The following NFATC2IP variants were observed in gnomAD, a reference collection of about 807,000 sequenced individuals.
The protein encoded by NFATC2IP is NFATC2-interacting protein.
NFATC2IP carries 25 observed loss-of-function variants against 40.2 expected under a neutral mutation model. The observed-to-expected ratio is 0.62, with a 90% CI of 0.45 to 0.87. The LOEUF (loss-of-function observed/expected upper bound fraction) is 0.87. Among genes scored for constraint, NFATC2IP ranks in the 40% least tolerant of loss-of-function variants. NFATC2IP has a pLI of 0.00. For missense variants in NFATC2IP, 553 were observed against 555.6 expected, an observed-to-expected ratio of 1.00 and a Z score of 0.05; for synonymous variants, 241 against 236.3, an observed-to-expected ratio of 1.02 and a Z score of -0.18.
intron 1 of NFATC2IP, 40 bp from the exon 2 acceptor site, chr16:28,952,092 G>A (rs1461222873): frequency 1.2e-6 from 2 of 1,610,884 alleles, no homozygotes; most frequent in Non-Finnish European, 8.5e-7. Flanking sequence ...GGTAGGGGAA[G>A]GACTTGGGCC....
At chr16:28,952,337 C>G in intron 2 of NFATC2IP, 133 bp downstream of exon 2, 5 of 1,365,338 alleles carry the variant, frequency 3.7e-6, no homozygotes, top group Non-Finnish European at 4.9e-6. Context: ...CTCCTGCATC[C>G]CAGCCACAGG....
chr16:28,955,049 C>T (rs575597462), intron 3 of NFATC2IP, among the ~76,000 whole-genome samples: 40 of 152,160 alleles, frequency 2.6e-4, no homozygotes, highest in Middle Eastern at 3.4e-3. Flanking sequence ...AAAAAATTAG[C>T]CTGGCATGGT....
intron 7 of NFATC2IP, among the ~76,000 whole-genome samples, chr16:28,959,490 C>A (rs753464770): frequency 9.2e-5 from 14 of 151,934 alleles, no homozygotes; most frequent in Admixed American, 4.6e-4. Flanking sequence ...CTGATGTGGG[C>A]CACAAAGCAC....
In NFATC2IP at chr16:28,963,705, G is replaced by A; in HGVS notation, c.1102G>A (p.Asp368Asn). The A allele has an allele frequency of 6.2e-7, 1 of 1,613,822 alleles. No individual in the cohort carries two copies. Among genetic ancestry groups the A allele is most frequent in the Non-Finnish European group, 8.5e-7 (1 of 1,179,830 alleles). ...TCCATTTTCTTTTGTCTCCATCCAG[G>A]ATTCCCCTCTAAAGACCCTCATGTC... ...HQTLEVSLSRDSPLKTLMSHY... is the reference protein window; with the variant it reads ...HQTLEVSLSRNSPLKTLMSHY... The change falls in exon 8 of 8, where the codon GAT becomes AAT. Residue 368 changes from aspartate (D) to asparagine (N), a missense_variant and splice_region_variant. Coordinates refer to ENST00000320805, the MANE Select transcript of NFATC2IP (RefSeq NM_032815.4).
At position 28,951,308 on chromosome 16, in the gene NFATC2IP, CG is replaced by C; in HGVS notation, c.298del (p.Ala100GlnfsTer45). On this transcript the variant is annotated frameshift_variant, in exon 1 of 8. Coordinates refer to ENST00000320805, the MANE Select transcript of NFATC2IP (RefSeq NM_032815.4). Reference protein sequence around the residue: ...SDSEGEDRRPAGPPREPVRRR... With the variant: ...SDSEGEDRRPXGPPREPVRRR... ...ACAGCGAAGGGGAGGACAGGCGGCCCGCAGGACCCCCGCGGGAGCCGGTCAG... is the reference window on the plus strand; with the variant it reads ...ACAGCGAAGGGGAGGACAGGCGGCCCCAGGACCCCCGCGGGAGCCGGTCAG... 7.1e-7 allele frequency: 1 copy of C among 1,409,784 alleles called. No homozygotes were observed. Among genetic ancestry groups the C allele is most frequent in the Non-Finnish European group, 9.3e-7 (1 of 1,078,676 alleles). The allele number at this position is 1,409,784 out of a possible 1,614,324, so 87.3% of individuals were successfully genotyped here. A position where few individuals can be genotyped will look rare whatever the true frequency, so the allele number is the denominator to read the frequency against.
At chr16:28,956,366 A>C in intron 5 of NFATC2IP, 29 bp downstream of exon 5, 1 of 1,580,642 alleles carries the variant, frequency 6.3e-7, no homozygotes, top group Non-Finnish European at 8.7e-7. Flanking sequence ...TGGGAGAAGG[A>C]CCCAGGAGCT....
At chr16:28,959,571 A>ATTTT (rs61432973) in intron 7 of NFATC2IP, among the ~76,000 whole-genome samples, 1 of 114,622 alleles carries the variant, frequency 8.7e-6, no homozygotes. Context: ...TGGTGCAGTC[A>ATTTT]TTTTTTTTTT....
Position 28,963,910 on chromosome 16 carries a change from A to G in NFATC2IP, c.*47A>G. The G allele has an allele frequency of 1.3e-6, 2 of 1,592,408 alleles. No homozygotes were observed. The highest frequency in any genetic ancestry group is 1.7e-6 in the Non-Finnish European group (2 of 1,163,296). On this transcript the variant is annotated 3_prime_UTR_variant, in exon 8 of 8. Coordinates refer to ENST00000320805, the MANE Select transcript of NFATC2IP (RefSeq NM_032815.4). The stretch of plus-strand genomic sequence containing the variant: ...GCCCAGCCTGGACTTGGGGAGAATG[A>G]CTTTCCCTTTTTTGCCCCATAAGGG...
rs550967192 is a variant in NFATC2IP at position 28,952,011 on chromosome 16, A to G, written c.388-121A>G. 24 of 1,337,342 alleles carry G rather than the reference A, an allele frequency of 1.8e-5. No individual in the cohort carries two copies. The Admixed American group carries it at 3.1e-4, about 18-fold the overall frequency. 82.8% of individuals were successfully genotyped at this position (1,337,342 alleles called of 1,614,324 possible). ...CTTCTAGGTTGCCAGGAGAGGGCCA[A>G]GGTGTCCACGATCTTAGGGAGGATT... On this transcript the variant is annotated intron_variant, in intron 1 of 7. Coordinates refer to ENST00000320805, the MANE Select transcript of NFATC2IP (RefSeq NM_032815.4).
chr16:28,953,147 T>A (rs1010728332), intron 2 of NFATC2IP, among the ~76,000 whole-genome samples: 6 of 152,116 alleles, frequency 3.9e-5, no homozygotes, highest in African/African-American at 1.4e-4. Flanking sequence ...CAATCTTAGC[T>A]CACTGCAACC....
Position 28,956,272 on chromosome 16 carries a change from ACCCCCCGACT to A in NFATC2IP, c.783_792del (p.Pro262SerfsTer58). 6.2e-7 allele frequency: 1 copy of A among 1,613,454 alleles called. No individual in the cohort carries two copies. The highest frequency in any genetic ancestry group is 8.5e-7 in the Non-Finnish European group (1 of 1,179,838). On this transcript the variant is annotated frameshift_variant, in exon 5 of 8. Transcript: ENST00000320805. LOFTEE classifies it high-confidence loss of function. ...GGTGGAAGGGCCCACCCTCCCAGAG[ACCCCCCGACT>A]CTTCCCACTCAAAATCCGTTGCCGG... is the stretch of plus-strand genomic sequence containing the variant.
chr16:28,957,177 G>A (rs1280364862), intron 5 of NFATC2IP: 1 of 152,052 alleles, frequency 6.6e-6, no homozygotes, highest in Non-Finnish European at 1.5e-5. Context: ...TGGACTACAG[G>A]TGCCCGCCAC....
At chr16:28,956,576 A>C (rs1310808276) in intron 5 of NFATC2IP, 1 of 525,244 alleles carries the variant, frequency 1.9e-6, no homozygotes, top group Non-Finnish European at 3.4e-6. Flanking sequence ...AAGGCTCCTC[A>C]TAAGCATCCT....
At chr16:28,954,826 C>G in intron 3 of NFATC2IP, 144 bp downstream of exon 3, 1 of 579,668 alleles carries the variant, frequency 1.7e-6, no homozygotes, top group South Asian at 2.1e-5. Flanking sequence ...GGGAATGAAT[C>G]GCTTGGGGAA....
intron 7 of NFATC2IP, among the ~76,000 whole-genome samples, 192 bp from the exon 8 acceptor site, chr16:28,963,513 T>C (rs561730906): frequency 6.6e-6 from 1 of 152,316 alleles, no homozygotes; most frequent in African/African-American, 2.4e-5. Context: ...GATGACAGGA[T>C]TCGTCCCAGC....
chr16:28,954,674 A>C lies in NFATC2IP; in HGVS notation c.570A>C (p.Thr190=). 6.2e-7 allele frequency: 1 copy of C among 1,610,744 alleles called. No individual in the cohort carries two copies. The highest frequency in any genetic ancestry group is 1.1e-5 in the South Asian group (1 of 91,044). The change falls in exon 3 of 8, where the codon ACA becomes ACC. Residue 190 remains threonine, a synonymous_variant. Coordinates refer to ENST00000320805, the MANE Select transcript of NFATC2IP (RefSeq NM_032815.4). ...AGGATAAAGAAGAGAAGAAAAAGAC[A>C]GAGTTTCTGTGAGTGAGGCCAGGGC... ...RTKDKEEKKK[T]EFLDLDNSPL... is the part of the protein sequence containing the mutation.
intron 5 of NFATC2IP, chr16:28,958,470 C>T: frequency 2.5e-6 from 1 of 407,682 alleles, no homozygotes; most frequent in Non-Finnish European, 4.4e-6. Context: ...ATGTGAATTC[C>T]AGTTTGCTGC....
chr16:28,954,699 C>T lies in NFATC2IP; in HGVS notation c.578+17C>T. The T allele has an allele frequency of 6.5e-7, 1 of 1,538,478 alleles. No individual in the cohort carries two copies. Among genetic ancestry groups the T allele is most frequent in the Non-Finnish European group, 9.0e-7 (1 of 1,115,040 alleles). On this transcript the variant is annotated intron_variant, in intron 3 of 7. Coordinates refer to ENST00000320805, the MANE Select transcript of NFATC2IP (RefSeq NM_032815.4). ...AGAGTTTCTGTGAGTGAGGCCAGGG[C>T]CCTTGGGCCCTGGGAGCAGGAAGTG...
intron 7 of NFATC2IP, among the ~76,000 whole-genome samples, chr16:28,959,942 C>A (rs1002192213): frequency 6.6e-6 from 1 of 152,186 alleles, no homozygotes; most frequent in African/African-American, 2.4e-5. Flanking sequence ...GAAACCTATT[C>A]CTGTACACTT....
Sources: gnomAD v4.1 joint callset for allele counts (sites outside exome capture counted in the v4.1 genomes callset) on GRCh38, gnomAD v4.1.1 for gene constraint, MANE v1.5 for transcripts, NCBI Gene and HGNC (gene_info 2026-07-23, HGNC 2026-07-21) for gene names.